Variants in STX10 observed in about 807,000 individuals in gnomAD.
The protein encoded by STX10 is syntaxin-10.
Under a neutral mutation model 34.1 loss-of-function variants are expected in STX10, and 35 were observed. The observed-to-expected ratio is 1.03, with a 90% confidence interval of 0.78 to 1.36. STX10 has a LOEUF of 1.36. Among genes scored for constraint, STX10 ranks in the 40% most tolerant of loss-of-function variants. The pLI, the probability that STX10 is intolerant of heterozygous loss-of-function variation, is 0.00. For synonymous variants in STX10, 155 were observed against 132.9 expected, an observed-to-expected ratio of 1.17 and a Z score of -1.15; for missense variants, 361 against 335.5, an observed-to-expected ratio of 1.08 and a Z score of -0.59.
intron 4 of STX10, among the ~76,000 whole-genome samples, chr19:13,147,474 AAAG>A (rs1379933706): frequency 6.6e-6 from 1 of 151,756 alleles, no homozygotes; most frequent in Non-Finnish European, 1.5e-5. Context: ...CAAAAAAAAA[AAAG>A]GAAGCTGGCC....
intron 4 of STX10, among the ~76,000 whole-genome samples, chr19:13,146,878 C>G (rs1229249211): frequency 6.6e-6 from 1 of 151,948 alleles, no homozygotes; most frequent in East Asian, 1.9e-4. Context: ...TTGAATTCCC[C>G]CAAGGCAGCA....
chr19:13,147,316 T>C (rs1360707591), intron 4 of STX10, among the ~76,000 whole-genome samples: 1 of 151,480 alleles, frequency 6.6e-6, no homozygotes, highest in Non-Finnish European at 1.5e-5. Context: ...AACACAAAAA[T>C]TAGCTGGGCA....
Position 13,147,789 on chromosome 19 carries a change from C to T in STX10, c.363+1240G>A, listed in dbSNP as rs866439122. ...GTGGGTGCCTGTAATCCCAGCTACT[C>T]GGGAGGCTGAGACAGAATTGCTTGA... On this transcript the variant is annotated intron_variant, in intron 4 of 7. Transcript: ENST00000587230. Among the ~76,000 whole-genome samples, 11 of 148,498 alleles carry T rather than the reference C, an allele frequency of 7.4e-5. No homozygotes were observed. The South Asian group carries it at 1.1e-3, about 14-fold the overall frequency.
At chr19:13,148,079 A>AG (rs1568392649) in intron 4 of STX10, among the ~76,000 whole-genome samples, 1 of 150,616 alleles carries the variant, frequency 6.6e-6, no homozygotes, top group Admixed American at 6.6e-5. Context: ...AAAAAAAAAA[A>AG]AAAAAAAAAG....
chr19:13,144,452 C>A lies in STX10; in HGVS notation c.708G>T (p.Val236=). The change falls in exon 8 of 8, where the codon GTG becomes GTT. Residue 236 remains valine, a synonymous_variant. Coordinates refer to ENST00000587230, the MANE Select transcript of STX10 (RefSeq NM_003765.3). The part of the protein sequence containing the change: ...RRQWCAIAVL[V]GVLLLVLILL... The stretch of plus-strand genomic sequence containing the variant: ...AGATGAGAACGAGGAGAAGCACCCC[C>A]ACTAGCACGGCGATGGCACACCACT... 2 of 1,613,032 alleles carry A rather than the reference C, an allele frequency of 1.2e-6. No homozygotes were observed. The highest frequency in any genetic ancestry group is 1.7e-6 in the Non-Finnish European group (2 of 1,179,724).
Position 13,150,101 on chromosome 19 carries a change from C to A in STX10, c.35+38G>T. On this transcript the variant is annotated intron_variant, in intron 1 of 7. Transcript: ENST00000587230. This position sits in a 1 kb window ranked among gnomAD's most constrained non-coding sequence, Gnocchi z 4.0. ...ACCCGGGCACTGGCTGGCTTGGGTACAGAGCACCCTCCGCCCTCCCCCGTC... is the reference window on the plus strand; with the variant it reads ...ACCCGGGCACTGGCTGGCTTGGGTAAAGAGCACCCTCCGCCCTCCCCCGTC... 8.9e-7 allele frequency: 1 copy of A among 1,127,756 alleles called. No individual in the cohort carries two copies. Among genetic ancestry groups the A allele is most frequent in the East Asian group, 2.5e-5 (1 of 39,344 alleles). 69.9% of individuals were successfully genotyped at this position (1,127,756 alleles called of 1,614,324 possible).
In STX10 at chr19:13,150,063, C is replaced by G; in HGVS notation, c.35+76G>C. 1.7e-6 allele frequency: 2 copies of G among 1,183,562 alleles called. No homozygotes were observed. The highest frequency in any genetic ancestry group is 2.5e-5 in the East Asian group (1 of 39,230). The allele number at this position is 1,183,562 out of a possible 1,614,324, so 73.3% of individuals were successfully genotyped here. A position where few individuals can be genotyped will look rare whatever the true frequency, so the allele number is the denominator to read the frequency against. On this transcript the variant is annotated intron_variant, in intron 1 of 7. Coordinates refer to ENST00000587230, the MANE Select transcript of STX10 (RefSeq NM_003765.3). The surrounding 1 kb of genome is among the most constrained non-coding windows in gnomAD (Gnocchi z 4.0). The stretch of plus-strand genomic sequence containing the variant: ...ACGGCCTTGCCCAGCCCGCCGGGCA[C>G]GCTGGGGCCGGCACCCGGGCACTGG...
chr19:13,148,954 G>T, intron 4 of STX10, 75 bp downstream of exon 4: 2 of 1,282,462 alleles, frequency 1.6e-6, no homozygotes, highest in Non-Finnish European at 2.2e-6. Flanking sequence ...AAAGGGACAG[G>T]TGAACACGCA....
Position 13,144,798 on chromosome 19 carries a change from C to G in STX10, c.544G>C (p.Gly182Arg). The change falls in exon 6 of 8, where the codon GGC becomes CGC. Residue 182 changes from glycine to arginine, a missense_variant. Gly to Arg is a moderately radical substitution (Grantham distance 125). Transcript: ENST00000587230. ...TCGTCCAGCTCTTCTCCAACGCGGC[C>G]GGACATGTGCTTCAGAACCTGGATG... Reference protein sequence around the residue: ...GSIQVLKHMSGRVGEELDEQG... With the variant: ...GSIQVLKHMSRRVGEELDEQG... 1 of 1,614,006 alleles carries G rather than the reference C, an allele frequency of 6.2e-7. No homozygotes were observed. Among genetic ancestry groups the G allele is most frequent in the Non-Finnish European group, 8.5e-7 (1 of 1,180,020 alleles).
chr19:13,146,821 G>A (rs1472728646), intron 4 of STX10, among the ~76,000 whole-genome samples: 1 of 152,096 alleles, frequency 6.6e-6, no homozygotes, highest in Non-Finnish European at 1.5e-5. Flanking sequence ...GATTTTAGGT[G>A]TGAGCCACCG....
rs1263813797 is a variant in STX10, at chr19:13,149,561, G to C, written c.238C>G (p.Leu80Val). Residue 80 changes from leucine to valine, a missense_variant, in exon 3 of 8, where the codon CTC (leucine) becomes GTC (valine). Transcript: ENST00000587230. ...IVEANPGKFK[L>V]PAGDLQERKV... The stretch of plus-strand genomic sequence containing the variant: ...CTCTCCTGCAGGTCCCCGGCTGGGA[G>C]CTTGAACTTGCCTGGGTTGGCTTCC... 1.2e-6 allele frequency: 2 copies of C among 1,614,122 alleles called. No homozygotes were observed. Among genetic ancestry groups the C allele is most frequent in the Admixed American group, 3.3e-5 (2 of 60,012 alleles).
At chr19:13,146,024 T>C in intron 4 of STX10, among the ~76,000 whole-genome samples, 3 of 76,484 alleles carry the variant, frequency 3.9e-5, no homozygotes, top group Non-Finnish European at 5.4e-5. Context: ...AGACCTTCTC[T>C]CAAAAAAAAA....
intron 5 of STX10, 27 bp downstream of exon 5, chr19:13,145,261 C>G: frequency 6.2e-7 from 1 of 1,601,876 alleles, no homozygotes; most frequent in Non-Finnish European, 8.5e-7. Context: ...TCTCCCCTCC[C>G]AAGATCCACC....
At position 13,149,740 on chromosome 19, in the gene STX10, C is replaced by G; in HGVS notation, c.193G>C (p.Glu65Gln). 6.2e-7 allele frequency: 1 copy of G among 1,614,002 alleles called. No individual in the cohort carries two copies. The highest frequency in any genetic ancestry group is 8.5e-7 in the Non-Finnish European group (1 of 1,179,860). ...RSIEWDLEDL[E>Q]ETIGIVEANP... ...AGCCCCAGGATATCGATGGTCTCTT[C>G]CAGGTCCTCGAGGTCCCACTCGATG... Residue 65 changes from glutamate to glutamine, a missense_variant, in exon 2 of 8, where the codon GAA (glutamate) becomes CAA (glutamine). By Grantham distance (29) the Glu-to-Gln change is conservative (BLOSUM62 2). Coordinates refer to ENST00000587230, the MANE Select transcript of STX10 (RefSeq NM_003765.3).
chr19:13,150,276 C>A lies in STX10; in HGVS notation c.-103G>T. 6 of 655,968 alleles carry A rather than the reference C, an allele frequency of 9.1e-6. No individual in the cohort carries two copies. Among genetic ancestry groups the A allele is most frequent in the Admixed American group, 2.6e-5 (1 of 38,798 alleles). The allele number at this position is 655,968 out of a possible 1,614,324, so 40.6% of individuals were successfully genotyped here. A position where few individuals can be genotyped will look rare whatever the true frequency, so the allele number is the denominator to read the frequency against. On this transcript the variant is annotated 5_prime_UTR_variant, in exon 1 of 8. Coordinates refer to ENST00000587230, the MANE Select transcript of STX10 (RefSeq NM_003765.3). The surrounding 1 kb of genome is among the most constrained non-coding windows in gnomAD (Gnocchi z 4.0). ...CGCGCCGCCACCCCCGCCCCCGTCA[C>A]GCCACCATCGAGAGCCGGACCGCCA...
At position 13,149,601 on chromosome 19, in the gene STX10, G is replaced by A; in HGVS notation, c.206-8C>T. 1 of 1,614,028 alleles carries A rather than the reference G, an allele frequency of 6.2e-7. No individual in the cohort carries two copies. Among genetic ancestry groups the A allele is most frequent in the Non-Finnish European group, 8.5e-7 (1 of 1,179,982 alleles). Reference sequence around the variant, plus strand: ...GGTTGGCTTCCACTATACGTGGGCTGAGAGTCAAGGGTCAAGGCCGGAGCC... The same window carrying A: ...GGTTGGCTTCCACTATACGTGGGCTAAGAGTCAAGGGTCAAGGCCGGAGCC... On this transcript the variant is annotated splice_polypyrimidine_tract_variant and splice_region_variant and intron_variant, in intron 2 of 7. Coordinates refer to ENST00000587230, the MANE Select transcript of STX10 (RefSeq NM_003765.3).
At chr19:13,147,887 C>G (rs2019938318) in intron 4 of STX10, among the ~76,000 whole-genome samples, 1 of 115,992 alleles carries the variant, frequency 8.6e-6, no homozygotes, top group African/African-American at 3.1e-5. Context: ...GAGCAACACT[C>G]CGTCTCAAAA....
At chr19:13,149,299 C>G (rs543645211) in intron 3 of STX10, among the ~76,000 whole-genome samples, 200 bp downstream of exon 3, 2 of 151,636 alleles carry the variant, frequency 1.3e-5, no homozygotes, top group Non-Finnish European at 1.5e-5. Context: ...GTAGTCCCAG[C>G]TACTCAGGAG....
intron 3 of STX10, 121 bp from the exon 4 acceptor site, chr19:13,149,212 G>T (rs1402207997): frequency 1.4e-5 from 12 of 854,082 alleles, no homozygotes; most frequent in Non-Finnish European, 1.5e-5. Flanking sequence ...AGGAGTTCGA[G>T]ACCAGCCTGA....
Sources: allele counts gnomAD v4.1 joint callset (sites outside exome capture counted in the v4.1 genomes callset), GRCh38; gene constraint gnomAD v4.1.1; non-coding constraint Gnocchi (gnomAD v3.1); transcripts MANE v1.5; gene names NCBI Gene and HGNC (gene_info 2026-07-23, HGNC 2026-07-21).